Variants in PIK3R1 observed in about 807,000 individuals in gnomAD.
PIK3R1 encodes the protein phosphatidylinositol 3-kinase regulatory subunit alpha.
PIK3R1 carries 29 observed loss-of-function variants against 98.0 expected under a neutral mutation model. The observed-to-expected ratio is 0.30, with a 90% CI of 0.22 to 0.40. The LOEUF is 0.40. Among genes scored for constraint, PIK3R1 ranks in the 10% least tolerant of loss-of-function variants. The pLI is 1.00. For missense variants in PIK3R1, 596 were observed against 872.7 expected, an observed-to-expected ratio of 0.68 and a Z score of 3.99; for synonymous variants, 282 against 311.8, an observed-to-expected ratio of 0.90 and a Z score of 1.01.
chr5:68,288,632 C>T (rs772189190), intron 7 of PIK3R1: 184 of 1,593,252 alleles, frequency 1.2e-4, no homozygotes, highest in Non-Finnish European at 1.3e-4. Flanking sequence ...CGGGAACAGG[C>T]TGGGGGGAGG....
chr5:68,251,180 A>G (rs1486255437), intron 2 of PIK3R1, among the ~76,000 whole-genome samples: 1 of 152,178 alleles, frequency 6.6e-6, no homozygotes, highest in Non-Finnish European at 1.5e-5. Flanking sequence ...CAGTGGTTAT[A>G]TTAGTTACTC....
intron 4 of PIK3R1, among the ~76,000 whole-genome samples, chr5:68,278,526 C>G (rs925911112): frequency 2.0e-5 from 3 of 152,104 alleles, no homozygotes; most frequent in Admixed American, 6.5e-5. Context: ...ACTAACCATT[C>G]CTAGTTAGAA....
chr5:68,217,100 CTCT>C (rs1743914219), intron 1 of PIK3R1, among the ~76,000 whole-genome samples: 1 of 151,682 alleles, frequency 6.6e-6, no homozygotes, highest in African/African-American at 2.4e-5. Context: ...TTTCTTTTTT[CTCT>C]TCTTTTCCTC....
intron 1 of PIK3R1, among the ~76,000 whole-genome samples, chr5:68,220,865 T>C (rs1262017801): frequency 6.6e-6 from 1 of 152,222 alleles, no homozygotes; most frequent in African/African-American, 2.4e-5. Context: ...TCACCCTAAA[T>C]TCATCATTTC....
At chr5:68,272,545 CTTAT>C (rs1009059272) in intron 2 of PIK3R1, among the ~76,000 whole-genome samples, 6 of 151,960 alleles carry the variant, frequency 3.9e-5, no homozygotes, top group East Asian at 1.9e-4. Flanking sequence ...TTACAATGGT[CTTAT>C]TTATTTTTTT....
intron 7 of PIK3R1, chr5:68,292,037 G>C (rs757115044): frequency 2.7e-6 from 1 of 376,074 alleles, no homozygotes; most frequent in Non-Finnish European, 4.8e-6. Flanking sequence ...AGTTTCTAAG[G>C]CTCTCTCTCT....
chr5:68,278,509 C>G (rs543655504), intron 4 of PIK3R1, among the ~76,000 whole-genome samples: 2 of 152,300 alleles, frequency 1.3e-5, no homozygotes, highest in South Asian at 4.1e-4. Flanking sequence ...GAAACATTTA[C>G]TATATGACTA....
intron 1 of PIK3R1, among the ~76,000 whole-genome samples, chr5:68,222,142 T>C (rs1178266523): frequency 6.6e-6 from 1 of 152,152 alleles, no homozygotes; most frequent in Non-Finnish European, 1.5e-5. Context: ...AATAGTTTAG[T>C]GGGCAGGTAT....
chr5:68,242,002 A>ACACAC (rs1394848409), intron 2 of PIK3R1, among the ~76,000 whole-genome samples: 1 of 152,240 alleles, frequency 6.6e-6, no homozygotes. Flanking sequence ...TATTTATGAC[A>ACACAC]ATTTGCACAC....
At chr5:68,285,762 G>C (rs771036395) in intron 7 of PIK3R1, among the ~76,000 whole-genome samples, 1 of 152,192 alleles carries the variant, frequency 6.6e-6, no homozygotes, top group Non-Finnish European at 1.5e-5. Flanking sequence ...GAATGTGTCA[G>C]AGTTTATACA....
At chr5:68,258,658 C>G (rs1395947867) in intron 2 of PIK3R1, among the ~76,000 whole-genome samples, 3 of 152,138 alleles carry the variant, frequency 2.0e-5, no homozygotes, top group Admixed American at 2.0e-4. Context: ...GTCAGCAGAC[C>G]GTCTCTAATG....
intron 7 of PIK3R1, among the ~76,000 whole-genome samples, chr5:68,283,253 T>C (rs902332566): frequency 2.0e-5 from 3 of 152,130 alleles, no homozygotes; most frequent in Non-Finnish European, 2.9e-5. Flanking sequence ...AAAGCAAGAC[T>C]CTGTTATAGG....
chr5:68,262,252 G>A (rs190520588), intron 2 of PIK3R1, among the ~76,000 whole-genome samples: 1 of 151,582 alleles, frequency 6.6e-6, no homozygotes, highest in African/African-American at 2.4e-5. Flanking sequence ...AGTCTATATT[G>A]ACATAACTTT....
rs1252101761 is a variant in PIK3R1 at position 68,280,956 on chromosome 5, T to G, written c.866T>G (p.Val289Gly). 6.2e-7 allele frequency: 1 copy of G among 1,605,068 alleles called. No homozygotes were observed. The highest frequency in any genetic ancestry group is 1.1e-5 in the South Asian group (1 of 89,576). The change falls in exon 7 of 16, where the codon GTT (valine) becomes GGT (glycine). Residue 289 changes from valine (V) to glycine (G), a missense_variant. This residue lies in a region of PIK3R1 where 352 missense variants were observed against 393.3 expected (regional missense o/e 0.90). Transcript: ENST00000521381. ...SSDNTENLIK[V>G]IEILISTEWN... ...GATAATACTGAAAACCTCATAAAAG[T>G]TATAGAAATTTTAATCTCAACTGAA... is the stretch of plus-strand genomic sequence containing the variant.
At chr5:68,231,512 A>G (rs1469887247) in intron 2 of PIK3R1, among the ~76,000 whole-genome samples, 9 of 152,216 alleles carry the variant, frequency 5.9e-5, no homozygotes, top group African/African-American at 2.2e-4. Context: ...TTTCACATTC[A>G]GCATTTGAGT....
chr5:68,289,881 ATTCTGATCTATAGCCTCT>A (rs1285787691), intron 7 of PIK3R1, among the ~76,000 whole-genome samples: 1 of 151,184 alleles, frequency 6.6e-6, no homozygotes, highest in Admixed American at 6.6e-5. Flanking sequence ...TCCACTCTGC[ATTCTGATCTATAGCCTCT>A]TTCTTTTTGG....
In PIK3R1 at chr5:68,226,570, A is replaced by C. The variant is rs1465464016; in HGVS notation, c.-106A>C. The C allele has an allele frequency of 4.4e-6, 4 of 909,434 alleles. No individual in the cohort carries two copies. Among genetic ancestry groups the C allele is most frequent in the Non-Finnish European group, 6.8e-6 (4 of 585,696 alleles). 56.3% of individuals were successfully genotyped at this position (909,434 alleles called of 1,614,324 possible). The stretch of plus-strand genomic sequence containing the variant: ...GTCCTTTGTCCTCTGCTGGACACAT[A>C]ATAGGAATTCTAACACATTCTCTGA... On this transcript the variant is annotated 5_prime_UTR_variant, in exon 2 of 16. Coordinates refer to ENST00000521381, the MANE Select transcript of PIK3R1 (RefSeq NM_181523.3).
chr5:68,275,479 T>A (rs188580387), intron 4 of PIK3R1, among the ~76,000 whole-genome samples: 24 of 151,982 alleles, frequency 1.6e-4, no homozygotes, highest in African/African-American at 5.6e-4. Flanking sequence ...AGTGGTTAGG[T>A]TTATAATGTG....
At chr5:68,297,315 G>T (rs1747777745) in intron 15 of PIK3R1, 97 bp from the exon 16 acceptor site, 1 of 1,069,278 alleles carries the variant, frequency 9.4e-7, no homozygotes, top group African/African-American at 1.6e-5. Flanking sequence ...TCCCCAAGTT[G>T]AGACTGCACA....
Sources: gnomAD v4.1 joint callset for allele counts (sites outside exome capture counted in the v4.1 genomes callset) on GRCh38, gnomAD v4.1.1 for gene constraint, gnomAD v4.1.1 regional missense constraint, MANE v1.5 for transcripts, NCBI Gene and HGNC (gene_info 2026-07-23, HGNC 2026-07-21) for gene names.